Variants in RBFOX1 observed in about 807,000 individuals in gnomAD.
The protein encoded by RBFOX1 is RNA binding protein fox-1 homolog 1.
RBFOX1 carries 8 observed loss-of-function variants against 57.7 expected under a neutral mutation model. That is an observed-to-expected ratio of 0.14 (90% CI 0.08 to 0.25). The LOEUF is 0.25. Among genes scored for constraint, RBFOX1 ranks in the 10% least tolerant of loss-of-function variants. The pLI is 1.00. For synonymous variants in RBFOX1, 326 were observed against 222.4 expected (o/e 1.47, Z -4.15); for missense variants, 611 against 548.5 (o/e 1.11, Z -1.14).
chr16:5,493,967 A>G (rs571851208), intron 2 of RBFOX1, among the ~76,000 whole-genome samples: 2 of 152,360 alleles, frequency 1.3e-5, no homozygotes, highest in Non-Finnish European at 2.9e-5. Context: ...TAGAAAATAA[A>G]GAGATTTCAG....
intron 4 of RBFOX1, among the ~76,000 whole-genome samples, chr16:7,109,780 A>G (rs1433848407): frequency 1.3e-5 from 2 of 151,978 alleles, no homozygotes; most frequent in Admixed American, 6.6e-5. Context: ...AATTTCATTC[A>G]CTCGTTTGCT....
At chr16:7,468,492 A>C (rs2060944303) in intron 4 of RBFOX1, among the ~76,000 whole-genome samples, 1 of 150,384 alleles carries the variant, frequency 6.6e-6, no homozygotes, top group Non-Finnish European at 1.5e-5. Context: ...ACAACTTGGA[A>C]ATAACCCATT....
chr16:7,296,527 G>GA (rs993669635), intron 4 of RBFOX1, among the ~76,000 whole-genome samples: 1 of 152,096 alleles, frequency 6.6e-6, no homozygotes, highest in Admixed American at 6.6e-5. Context: ...TTTTACAGAT[G>GA]AAAAAAACTA....
At chr16:7,606,004 C>T (rs1306800772) in intron 9 of RBFOX1, among the ~76,000 whole-genome samples, 3 of 151,912 alleles carry the variant, frequency 2.0e-5, no homozygotes, top group Non-Finnish European at 4.4e-5. Context: ...GTCAAGGTTT[C>T]GCCATGCTGG....
intron 9 of RBFOX1, among the ~76,000 whole-genome samples, chr16:7,599,367 A>G (rs560227824): frequency 6.6e-6 from 1 of 152,364 alleles, no homozygotes; most frequent in East Asian, 1.9e-4. Flanking sequence ...GAGAAAAGCC[A>G]AATATTTCAT....
At chr16:7,092,731 G>C (rs1047613524) in intron 4 of RBFOX1, among the ~76,000 whole-genome samples, 4 of 152,032 alleles carry the variant, frequency 2.6e-5, no homozygotes, top group Non-Finnish European at 5.9e-5. Flanking sequence ...ATGTTAAAAG[G>C]TATGAAGAGC....
chr16:6,122,635 G>A (rs2096559523), intron 1 of RBFOX1, among the ~76,000 whole-genome samples: 1 of 152,106 alleles, frequency 6.6e-6, no homozygotes, highest in Non-Finnish European at 1.5e-5. Flanking sequence ...GACTGACAGT[G>A]GGTGGCCAAT....
At chr16:5,951,247 A>T (rs2059513573) in intron 4 of RBFOX1, among the ~76,000 whole-genome samples, 1 of 152,170 alleles carries the variant, frequency 6.6e-6, no homozygotes. Flanking sequence ...CAGGAGTTTG[A>T]GACCAGCCTG....
At chr16:6,860,445 G>T (rs1052328229) in intron 3 of RBFOX1, among the ~76,000 whole-genome samples, 1 of 152,160 alleles carries the variant, frequency 6.6e-6, no homozygotes, top group Admixed American at 6.6e-5. Flanking sequence ...GGGGGCAGCG[G>T]GCGCTCTACC....
intron 14 of RBFOX1, among the ~76,000 whole-genome samples, chr16:7,696,058 C>T (rs189773884): frequency 1.2e-4 from 18 of 152,258 alleles, no homozygotes; most frequent in East Asian, 1.9e-4. Context: ...ATGCCTTTTA[C>T]GTGGGTCTTG....
intron 3 of RBFOX1, among the ~76,000 whole-genome samples, chr16:5,711,599 G>A (rs1320415443): frequency 6.6e-6 from 1 of 152,226 alleles, no homozygotes; most frequent in Non-Finnish European, 1.5e-5. Flanking sequence ...AGGGAGCCTG[G>A]AAGATGTCCT....
intron 4 of RBFOX1, among the ~76,000 whole-genome samples, chr16:5,899,429 C>T (rs916053225): frequency 6.6e-6 from 1 of 152,048 alleles, no homozygotes; most frequent in South Asian, 2.1e-4. Context: ...GAATGATGAA[C>T]AGGGCACAGT....
chr16:7,217,670 C>A (rs970015881), intron 4 of RBFOX1, among the ~76,000 whole-genome samples: 2 of 152,056 alleles, frequency 1.3e-5, no homozygotes, highest in Non-Finnish European at 2.9e-5. Context: ...TGTTTTTAAT[C>A]ATAGGGGGAA....
chr16:6,653,401 G>A (rs1018926701), intron 2 of RBFOX1, among the ~76,000 whole-genome samples: 13 of 152,158 alleles, frequency 8.5e-5, no homozygotes, highest in African/African-American at 3.1e-4. Flanking sequence ...CTAGTGCAAG[G>A]TCTAGCAGCC....
chr16:5,975,413 T>A (rs917210607), intron 4 of RBFOX1, among the ~76,000 whole-genome samples: 1 of 152,226 alleles, frequency 6.6e-6, no homozygotes, highest in Admixed American at 6.5e-5. Context: ...GCTGCTACAT[T>A]ACTCAAAAGC....
chr16:6,791,193 C>T (rs116977706), intron 3 of RBFOX1, among the ~76,000 whole-genome samples: 8,616 of 152,208 alleles, frequency 0.057, 297 homozygotes, highest in Middle Eastern at 0.14. Flanking sequence ...TGGTGTGAGC[C>T]ACCACACCCG....
chr16:5,718,329 C>G (rs1034314681), intron 3 of RBFOX1, among the ~76,000 whole-genome samples: 1 of 152,180 alleles, frequency 6.6e-6, no homozygotes, highest in Non-Finnish European at 1.5e-5. Flanking sequence ...CAGAGCTGCC[C>G]AGCTGAGCCC....
At position 6,385,763 on chromosome 16, in the gene RBFOX1, C is replaced by T. The variant is rs190162660; in HGVS notation, c.-64+68706C>T. Among the ~76,000 whole-genome samples, 466 of 152,218 alleles carry T rather than the reference C, an allele frequency of 3.1e-3. 2 individuals carry two copies. Among genetic ancestry groups the T allele is most frequent in the Middle Eastern group, 0.014 (4 of 294 alleles). Reference sequence around the variant, plus strand: ...TGACTCATGCGTCACGTCTACACATCGTATTTAGCAAAAAGCTAAGCAAGT... The same window carrying T: ...TGACTCATGCGTCACGTCTACACATTGTATTTAGCAAAAAGCTAAGCAAGT... On this transcript the variant is annotated intron_variant, in intron 2 of 15. Coordinates refer to ENST00000550418, the MANE Select transcript of RBFOX1 (RefSeq NM_018723.4).
intron 3 of RBFOX1, among the ~76,000 whole-genome samples, chr16:5,708,505 T>G (rs186882612): frequency 6.6e-6 from 1 of 152,196 alleles, no homozygotes; most frequent in Non-Finnish European, 1.5e-5. Flanking sequence ...GCTGGATCTG[T>G]GTCTTCCATC....
Sources: allele counts gnomAD v4.1 joint callset (sites outside exome capture counted in the v4.1 genomes callset), GRCh38; gene constraint gnomAD v4.1.1; transcripts MANE v1.5; gene names NCBI Gene and HGNC (gene_info 2026-07-23, HGNC 2026-07-21).